IPO7: variants seen among roughly 807,000 people sequenced by gnomAD.
IPO7 encodes importin 7.
Under a neutral mutation model 136.4 loss-of-function variants are expected in IPO7, and 13 were observed. The ratio of observed to expected loss-of-function variants is 0.10; its 90% CI spans 0.06 to 0.15. IPO7 has a LOEUF of 0.15. Ranked by LOEUF, IPO7 falls within the 10% of genes least tolerant of loss-of-function variation. IPO7 has a pLI of 1.00. For missense variants in IPO7, 857 were observed against 1,240.6 expected (o/e 0.69, Z 4.65); for synonymous variants, 403 against 404.4 (o/e 1.00, Z 0.04).
At chr11:9,418,096 A>G (rs543951789) in intron 6 of IPO7, among the ~76,000 whole-genome samples, 1 of 146,474 alleles carries the variant, frequency 6.8e-6, no homozygotes, top group Admixed American at 6.9e-5. Context: ...TTTGAGACAG[A>G]GTCTCACTCT....
intron 22 of IPO7, among the ~76,000 whole-genome samples, chr11:9,439,613 C>T (rs1444417278): frequency 6.6e-6 from 1 of 151,386 alleles, no homozygotes; most frequent in Non-Finnish European, 1.5e-5. Context: ...GAATCTCGTT[C>T]TGTCGCCAAG....
At chr11:9,422,500 T>G (rs1006137117) in intron 8 of IPO7, among the ~76,000 whole-genome samples, 14 of 152,186 alleles carry the variant, frequency 9.2e-5, no homozygotes. Context: ...TAGAGGTTTG[T>G]GGACCACATT....
At chr11:9,400,017 T>C (rs1361523570) in intron 1 of IPO7, among the ~76,000 whole-genome samples, 1 of 152,212 alleles carries the variant, frequency 6.6e-6, no homozygotes, top group East Asian at 1.9e-4. Context: ...TCATGGATGC[T>C]GAAGTCCCTT....
chr11:9,406,599 G>A (rs183672866), intron 2 of IPO7, among the ~76,000 whole-genome samples: 83 of 152,216 alleles, frequency 5.5e-4, no homozygotes, highest in Non-Finnish European at 9.3e-4. Context: ...GGCTGGCCAC[G>A]GTGGCTCACA....
At position 9,392,171 on chromosome 11, in the gene IPO7, C is replaced by CTTTTT. The variant is rs59866244; in HGVS notation, c.84+7343_84+7347dup. ...ATGTCATATTTGCCTTTGTCAAATTCTTTTTTTTTTTTTTTTTTTTTTTGA... is the reference window on the plus strand; with the variant it reads ...ATGTCATATTTGCCTTTGTCAAATTCTTTTTTTTTTTTTTTTTTTTTTTTTTTTGA... On this transcript the variant is annotated intron_variant, in intron 1 of 24. Transcript: ENST00000379719. The CTTTTT allele has an allele frequency of 4.5e-3, 830 of 185,054 alleles. 4 individuals are homozygous for CTTTTT. The highest frequency in any genetic ancestry group is 9.8e-3 in the South Asian group (236 of 24,032). The allele number at this position is 185,054 out of a possible 1,614,324, so 11.5% of individuals were successfully genotyped here.
chr11:9,396,836 G>C (rs1041967817), intron 1 of IPO7, among the ~76,000 whole-genome samples: 1 of 152,100 alleles, frequency 6.6e-6, no homozygotes, highest in African/African-American at 2.4e-5. Flanking sequence ...TGGGCATACA[G>C]GTTGTTTCCA....
intron 2 of IPO7, among the ~76,000 whole-genome samples, chr11:9,407,776 C>T (rs1854907556): frequency 6.6e-6 from 1 of 152,006 alleles, no homozygotes; most frequent in Admixed American, 6.6e-5. Context: ...GGACAGTTTC[C>T]CTTTACAGTA....
chr11:9,403,924 C>T (rs1854836702), intron 2 of IPO7, among the ~76,000 whole-genome samples: 1 of 151,976 alleles, frequency 6.6e-6, no homozygotes, highest in Non-Finnish European at 1.5e-5. Flanking sequence ...TGCAGTGGTG[C>T]GAACTCGGCT....
rs1855523837 is a variant in IPO7, at chr11:9,446,099, G to A, written c.*905G>A. On this transcript the variant is annotated 3_prime_UTR_variant, in exon 25 of 25. Coordinates refer to ENST00000379719, the MANE Select transcript of IPO7 (RefSeq NM_006391.3). ...GGGTATTTGAATACCAGACCTTACTGTAAAAAATAAAAAAGGTGGTATCTA... is the reference window on the plus strand; with the variant it reads ...GGGTATTTGAATACCAGACCTTACTATAAAAAATAAAAAAGGTGGTATCTA... 1 of 152,016 alleles carries A rather than the reference G, an allele frequency of 6.6e-6. No homozygotes were observed. The highest frequency in any genetic ancestry group is 1.5e-5 in the Non-Finnish European group (1 of 67,992). The allele number at this position is 152,016 out of a possible 1,614,324, so 9.4% of individuals were successfully genotyped here. A position where few individuals can be genotyped will look rare whatever the true frequency, so the allele number is the denominator to read the frequency against.
At chr11:9,435,300 A>G (rs993885579) in intron 19 of IPO7, among the ~76,000 whole-genome samples, 3 of 152,194 alleles carry the variant, frequency 2.0e-5, no homozygotes, top group African/African-American at 7.2e-5. Flanking sequence ...GAATCAAAAG[A>G]AGGAAAGAGT....
intron 1 of IPO7, among the ~76,000 whole-genome samples, chr11:9,393,513 G>A (rs7940182): frequency 0.035 from 5,276 of 152,128 alleles, 278 homozygotes; most frequent in African/African-American, 0.11. Context: ...CCTAGTAGCT[G>A]GGATAACAAG....
intron 24 of IPO7, among the ~76,000 whole-genome samples, chr11:9,444,609 G>A (rs1250276247): frequency 6.6e-6 from 1 of 151,742 alleles, no homozygotes; most frequent in Non-Finnish European, 1.5e-5. Context: ...TGAGGCGGAT[G>A]GATCACTTGA....
intron 1 of IPO7, among the ~76,000 whole-genome samples, chr11:9,393,663 G>T (rs905418084): frequency 6.6e-6 from 1 of 152,094 alleles, no homozygotes; most frequent in Non-Finnish European, 1.5e-5. Context: ...GATTACAGGC[G>T]TGAGCCACCA....
At chr11:9,408,170 GATTTA>G (rs1472010262) in intron 2 of IPO7, among the ~76,000 whole-genome samples, 2 of 151,992 alleles carry the variant, frequency 1.3e-5, no homozygotes, top group African/African-American at 2.4e-5. Context: ...AAACTGATTT[GATTTA>G]ATTTAACTCT....
At chr11:9,443,587 G>A (rs1394127822) in intron 24 of IPO7, among the ~76,000 whole-genome samples, 30 of 134,492 alleles carry the variant, frequency 2.2e-4, no homozygotes, top group South Asian at 9.7e-4. Flanking sequence ...GCGAAACTCC[G>A]TCTCAAAAAA....
chr11:9,397,341 A>AAAAAAAAAAAAAAAT, intron 1 of IPO7, among the ~76,000 whole-genome samples: 2 of 10,758 alleles, frequency 1.9e-4, no homozygotes, highest in Non-Finnish European at 3.7e-4. Context: ...TTTAAAAAAA[A>AAAAAAAAAAAAAAAT]ATATATATAT....
chr11:9,416,062 G>A (rs1389123033), intron 5 of IPO7, among the ~76,000 whole-genome samples: 1 of 152,022 alleles, frequency 6.6e-6, no homozygotes, highest in Non-Finnish European at 1.5e-5. Context: ...ACAGTGGCTC[G>A]CACCTGTAAG....
In IPO7 at chr11:9,427,588, C is replaced by T. The variant is rs145555746; in HGVS notation, c.1336-952C>T. On this transcript the variant is annotated intron_variant, in intron 12 of 24. Coordinates refer to ENST00000379719, the MANE Select transcript of IPO7 (RefSeq NM_006391.3). ...TTTCATCTTTTCTATACCTGTTCAC[C>T]CATCCTTCTCTTTGTTTATAAAGTA... Among the ~76,000 whole-genome samples the T allele has an allele frequency of 2.6e-3, 391 of 152,254 alleles. 2 individuals are homozygous for T. Among genetic ancestry groups the T allele is most frequent in the African/African-American group, 9.1e-3 (378 of 41,546 alleles).
rs138069288 is a variant in IPO7, at chr11:9,424,957, A to G, written c.1185A>G (p.Thr395=). The G allele has an allele frequency of 1.1e-4, 180 of 1,589,780 alleles. No homozygotes were observed. In the African/African-American group the frequency reaches 2.3e-3, roughly 20 times the overall value. Residue 395 remains threonine, a synonymous_variant, in exon 11 of 25, where the codon ACA becomes ACG. Coordinates refer to ENST00000379719, the MANE Select transcript of IPO7 (RefSeq NM_006391.3). ...TTTCTCCTACCACTGCTGCCCAGAC[A>G]CTTTTGTTTACAGCCTGTAGTAAGA... is the stretch of plus-strand genomic sequence containing the variant. ...DFISPTTAAQ[T]LLFTACSKRK... is the part of the protein sequence containing the mutation.
Sources: allele counts gnomAD v4.1 joint callset (sites outside exome capture counted in the v4.1 genomes callset), GRCh38; gene constraint gnomAD v4.1.1; transcripts MANE v1.5; gene names NCBI Gene and HGNC (gene_info 2026-07-23, HGNC 2026-07-21).